TULP2: variants seen among roughly 807,000 people sequenced by gnomAD.
TULP2 encodes tubby-related protein 2.
A neutral mutation model predicts 60.3 loss-of-function variants in TULP2; 64 were observed. The observed-to-expected ratio is 1.06, with a 90% CI of 0.87 to 1.31. TULP2 has a LOEUF of 1.31. TULP2 is among the 50% of genes most tolerant of loss of function. The pLI is 0.00. For missense variants in TULP2, 652 were observed against 667.0 expected (o/e 0.98, Z 0.25); for synonymous variants, 267 against 265.4 (o/e 1.01, Z -0.06).
In TULP2 at chr19:48,897,286, C is replaced by T. The variant is rs2037291391; in HGVS notation, c.84+59G>A. 1 of 1,580,528 alleles carries T rather than the reference C, an allele frequency of 6.3e-7. No homozygotes were observed. The highest frequency in any genetic ancestry group is 1.7e-5 in the Admixed American group (1 of 58,310). On this transcript the variant is annotated intron_variant, in intron 3 of 12. Coordinates refer to ENST00000221399, the MANE Select transcript of TULP2 (RefSeq NM_003323.3). The surrounding 1 kb of genome is among the most constrained non-coding windows in gnomAD (Gnocchi z 4.0). Reference sequence around the variant, plus strand: ...CCTAGAGCAAGACCTGGTGGAGAGGCCCCTGGGGAGGCACAGAAGGCGGAA... The same window carrying T: ...CCTAGAGCAAGACCTGGTGGAGAGGTCCCTGGGGAGGCACAGAAGGCGGAA...
intron 7 of TULP2, 39 bp downstream of exon 7, chr19:48,889,471 T>G (rs776654555): frequency 1.7e-5 from 26 of 1,560,136 alleles, no homozygotes; most frequent in African/African-American, 2.7e-5. Context: ...AGGCTAGCCC[T>G]CTTCTTCCAA....
chr19:48,889,200 T>TCCTGACCTCAAGTGATCTGCCCA (rs1465401408), intron 7 of TULP2, among the ~76,000 whole-genome samples: 3 of 151,860 alleles, frequency 2.0e-5, no homozygotes, highest in African/African-American at 7.2e-5. Flanking sequence ...GGTCACGAAC[T>TCCTGACCTCAAGTGATCTGCCCA]CCTGACCTCA....
At position 48,895,121 on chromosome 19, in the gene TULP2, G is replaced by A. The variant is rs759348719; in HGVS notation, c.391C>T (p.Leu131Phe). 2 of 1,613,982 alleles carry A rather than the reference G, an allele frequency of 1.2e-6. No individual in the cohort carries two copies. The highest frequency in any genetic ancestry group is 1.3e-5 in the African/African-American group (1 of 74,906). Residue 131 changes from leucine (L) to phenylalanine (F), a missense_variant, in exon 6 of 13, where the codon CTC becomes TTC. Transcript: ENST00000221399. ...LGLQSPFLSW[L>F]PDNSDAELEE... is the part of the protein sequence containing the mutation. ...AATTCTGCATCGGAATTGTCTGGGA[G>A]CCAGGATAAGAAAGGGGACTGGAGA...
chr19:48,891,273 G>A (rs1347206712), intron 6 of TULP2, among the ~76,000 whole-genome samples: 30 of 146,648 alleles, frequency 2.0e-4, no homozygotes, highest in African/African-American at 6.8e-4. Context: ...GCAGTGAGCC[G>A]AGATTGTGCC....
intron 8 of TULP2, among the ~76,000 whole-genome samples, chr19:48,887,084 C>T (rs1259707786): frequency 2.7e-5 from 4 of 146,854 alleles, no homozygotes; most frequent in African/African-American, 1.0e-4. Context: ...GAGATCTCAG[C>T]TCATTGCAAC....
At chr19:48,893,604 A>C (rs1328413467) in intron 6 of TULP2, among the ~76,000 whole-genome samples, 1 of 152,010 alleles carries the variant, frequency 6.6e-6, no homozygotes, top group African/African-American at 2.4e-5. Flanking sequence ...CCCTGGCTGG[A>C]ATGCAGTAGC....
chr19:48,895,212 G>A lies in TULP2; in HGVS notation c.350-50C>T, dbSNP rs1349714941. On this transcript the variant is annotated intron_variant, in intron 5 of 12. Coordinates refer to ENST00000221399, the MANE Select transcript of TULP2 (RefSeq NM_003323.3). ...TGGATTTCTGGATGCTGCAGGAGGA[G>A]GCGGCTCAGGACCTGAACTCCTTGG... 4.4e-6 allele frequency: 7 copies of A among 1,594,684 alleles called. No homozygotes were observed. The South Asian group carries it at 8.0e-5, about 18-fold the overall frequency.
chr19:48,896,310 G>T (rs2037280568), intron 4 of TULP2, 120 bp downstream of exon 4: 1 of 1,334,840 alleles, frequency 7.5e-7, no homozygotes, highest in Non-Finnish European at 9.9e-7. Flanking sequence ...GCCAAGGCCC[G>T]CCCCCATCCA....
At position 48,885,311 on chromosome 19, in the gene TULP2, C is replaced by T. The variant is rs144202563; in HGVS notation, c.1061+137G>A. On this transcript the variant is annotated intron_variant, in intron 9 of 12. Coordinates refer to ENST00000221399, the MANE Select transcript of TULP2 (RefSeq NM_003323.3). ...GGAGTCAAATGCCTTAAATGCCAGC[C>T]TACGTTCCAAACCCTTCAGTTCTTC... The T allele has an allele frequency of 2.7e-4, 177 of 658,434 alleles. 1 individual carries two copies. Among genetic ancestry groups the T allele is most frequent in the African/African-American group, 2.7e-3 (147 of 54,822 alleles). The allele number at this position is 658,434 out of a possible 1,614,324, so 40.8% of individuals were successfully genotyped here.
At position 48,897,956 on chromosome 19, in the gene TULP2, T is replaced by TTTA; in HGVS notation, c.-1-90_-1-88dup. On this transcript the variant is annotated intron_variant, in intron 1 of 12. Coordinates refer to ENST00000221399, the MANE Select transcript of TULP2 (RefSeq NM_003323.3). This position sits in a 1 kb window ranked among gnomAD's most constrained non-coding sequence, Gnocchi z 4.0. ...AGCACCTAATCTTTAGCCTTATTTATTTATTTATTTATTTATTTATTTATG... is the reference window on the plus strand; with the variant it reads ...AGCACCTAATCTTTAGCCTTATTTATTTATTATTTATTTATTTATTTATTTATG... The TTTA allele has an allele frequency of 1.3e-5, 11 of 830,684 alleles. No homozygotes were observed. The highest frequency in any genetic ancestry group is 1.8e-5 in the Non-Finnish European group (11 of 606,448). The allele number at this position is 830,684 out of a possible 1,614,324, so 51.5% of individuals were successfully genotyped here.
intron 4 of TULP2, among the ~76,000 whole-genome samples, 179 bp downstream of exon 4, chr19:48,896,251 C>G (rs916428169): frequency 2.0e-5 from 3 of 152,168 alleles, no homozygotes; most frequent in Non-Finnish European, 4.4e-5. Context: ...GGGGCCCCCA[C>G]AAGCCTCTCC....
chr19:48,885,410 G>C (rs746815172), intron 9 of TULP2, 38 bp downstream of exon 9: 3 of 1,574,022 alleles, frequency 1.9e-6, no homozygotes, highest in Non-Finnish European at 2.6e-6. Flanking sequence ...TAAGCTCCCT[G>C]CTACCTGCTC....
chr19:48,883,717 T>G, intron 11 of TULP2, 37 bp downstream of exon 11: 2 of 1,610,584 alleles, frequency 1.2e-6, no homozygotes, highest in Non-Finnish European at 1.7e-6. Context: ...CAGCCCCTTC[T>G]CCATTGACCC....
chr19:48,893,846 G>A (rs140436843), intron 6 of TULP2, among the ~76,000 whole-genome samples: 2,453 of 152,042 alleles, frequency 0.016, 129 homozygotes, highest in Admixed American at 0.11. Flanking sequence ...GAGCCACCGC[G>A]CCCAGCCATG....
At chr19:48,893,961 A>T (rs1209221319) in intron 6 of TULP2, among the ~76,000 whole-genome samples, 1 of 152,192 alleles carries the variant, frequency 6.6e-6, no homozygotes, top group African/African-American at 2.4e-5. Context: ...TACAGGCTCC[A>T]CATCCCCACT....
rs777404820 is a variant in TULP2 at position 48,883,967 on chromosome 19, C to T, written c.1141G>A (p.Ala381Thr). 35 of 1,614,010 alleles carry T rather than the reference C, an allele frequency of 2.2e-5. No homozygotes were observed. In the East Asian group the frequency reaches 3.8e-4, roughly 17 times the overall value. Reference sequence around the variant, plus strand: ...GCCCCCAGCTCCTGTCTGATCCGGGCAGTATTCCTGGTTAAATGCTCCCGG... The same window carrying T: ...GCCCCCAGCTCCTGTCTGATCCGGGTAGTATTCCTGGTTAAATGCTCCCGG... ...PDREHLTRNT[A>T]RIRQELGAVC... The change falls in exon 10 of 13, where the codon GCC (alanine) becomes ACC (threonine). Residue 381 changes from alanine to threonine, a missense_variant. Transcript: ENST00000221399.
intron 6 of TULP2, among the ~76,000 whole-genome samples, chr19:48,893,259 A>T (rs2037249448): frequency 6.6e-6 from 1 of 151,722 alleles, no homozygotes; most frequent in African/African-American, 2.4e-5. Context: ...AACCCCAGCT[A>T]CTCGGGAGGC....
chr19:48,894,814 G>C (rs1428816195), intron 6 of TULP2, among the ~76,000 whole-genome samples, 184 bp downstream of exon 6: 2 of 152,124 alleles, frequency 1.3e-5, no homozygotes, highest in East Asian at 1.9e-4. Context: ...GGGGTTCCTG[G>C]AACACATCAC....
intron 6 of TULP2, among the ~76,000 whole-genome samples, chr19:48,892,180 G>A (rs1033721429): frequency 2.0e-5 from 3 of 152,188 alleles, no homozygotes; most frequent in Admixed American, 6.5e-5. Context: ...TACGGGTGTC[G>A]GGCTGGGGGA....
Sources: allele counts gnomAD v4.1 joint callset (sites outside exome capture counted in the v4.1 genomes callset), GRCh38; gene constraint gnomAD v4.1.1; non-coding constraint Gnocchi (gnomAD v3.1); transcripts MANE v1.5; gene names NCBI Gene and HGNC (gene_info 2026-07-23, HGNC 2026-07-21).